Variants in RYR3 observed in about 807,000 individuals in gnomAD.
RYR3 encodes ryanodine receptor 3.
Under a neutral mutation model 584.3 loss-of-function variants are expected in RYR3, and 207 were observed. The observed-to-expected ratio is 0.35, with a 90% CI of 0.32 to 0.40. The LOEUF is 0.40. RYR3 is among the 10% of genes least tolerant of loss of function. The pLI is 1.00. For missense variants in RYR3, 5,616 were observed against 6,089.2 expected, an observed-to-expected ratio of 0.92 and a Z score of 2.59; for synonymous variants, 2,416 against 2,248.5, an observed-to-expected ratio of 1.07 and a Z score of -2.11.
chr15:33,416,866 A>C (rs2043850762), intron 1 of RYR3, among the ~76,000 whole-genome samples: 1 of 152,164 alleles, frequency 6.6e-6, no homozygotes, highest in African/African-American at 2.4e-5. Flanking sequence ...TAATTTTCAT[A>C]TATGGTGAGA....
chr15:33,738,392 A>T, intron 49 of RYR3, 58 bp from the exon 50 acceptor site: 2 of 1,531,836 alleles, frequency 1.3e-6, no homozygotes, highest in Non-Finnish European at 8.8e-7. Context: ...CATGTTTTTG[A>T]TGCCTGTGGA....
intron 20 of RYR3, 81 bp downstream of exon 20, chr15:33,624,104 A>G (rs1208849677): frequency 2.1e-6 from 2 of 972,414 alleles, no homozygotes; most frequent in African/African-American, 3.3e-5. Context: ...TTGTTTTTGA[A>G]CCTTTCTTAA....
At chr15:33,440,736 A>G (rs1439440197) in intron 1 of RYR3, among the ~76,000 whole-genome samples, 4 of 152,188 alleles carry the variant, frequency 2.6e-5, no homozygotes, top group Non-Finnish European at 4.4e-5. Context: ...TTCTATTTCA[A>G]CTTGGTAGAG....
chr15:33,754,262 C>T (rs1209001944), intron 57 of RYR3, among the ~76,000 whole-genome samples: 1 of 152,180 alleles, frequency 6.6e-6, no homozygotes, highest in Non-Finnish European at 1.5e-5. Context: ...TTAAACACAG[C>T]AACCAGTGAT....
intron 85 of RYR3, among the ~76,000 whole-genome samples, chr15:33,829,517 G>A (rs1261001841): frequency 6.6e-6 from 1 of 152,046 alleles, no homozygotes; most frequent in East Asian, 1.9e-4. Flanking sequence ...GGGAGGCCAA[G>A]GCAGGAGGAT....
chr15:33,605,038 C>T (rs1426312379), intron 18 of RYR3, among the ~76,000 whole-genome samples: 2 of 152,204 alleles, frequency 1.3e-5, no homozygotes, highest in Non-Finnish European at 2.9e-5. Flanking sequence ...CCTGAGAGGG[C>T]TCTGCATGAA....
chr15:33,365,234 A>G (rs1043129267), intron 1 of RYR3, among the ~76,000 whole-genome samples: 5 of 152,170 alleles, frequency 3.3e-5, no homozygotes, highest in Admixed American at 1.3e-4. Context: ...ATGTCCTGAG[A>G]TTGGGAGGAT....
chr15:33,666,520 T>C (rs1275815353), intron 36 of RYR3, among the ~76,000 whole-genome samples: 2 of 152,206 alleles, frequency 1.3e-5, no homozygotes, highest in African/African-American at 4.8e-5. Context: ...TCAGAAGATT[T>C]AATGTCATCA....
At chr15:33,453,520 A>G (rs779417806) in intron 1 of RYR3, among the ~76,000 whole-genome samples, 3 of 152,178 alleles carry the variant, frequency 2.0e-5, no homozygotes, top group Non-Finnish European at 4.4e-5. Context: ...ATAAAATAAG[A>G]CCTACAACAG....
chr15:33,508,648 TCAAAA>T lies in RYR3; in HGVS notation c.279+4926_279+4930del, dbSNP rs913253952. On this transcript the variant is annotated intron_variant, in intron 3 of 103. Coordinates refer to ENST00000634891, the MANE Select transcript of RYR3 (RefSeq NM_001036.6). ...CTGGGCGACAGAGCAAGTCTCCATCTCAAAACAAAACAAAACAAAAAACCTTGATT... is the reference window on the plus strand; with the variant it reads ...CTGGGCGACAGAGCAAGTCTCCATCTCAAAACAAAACAAAAAACCTTGATT... Among the ~76,000 whole-genome samples the T allele has an allele frequency of 5.3e-5, 8 of 152,170 alleles. No homozygotes were observed. The East Asian group carries it at 7.7e-4, about 15-fold the overall frequency.
At chr15:33,812,424 C>T (rs942425941) in intron 72 of RYR3, among the ~76,000 whole-genome samples, 3 of 151,582 alleles carry the variant, frequency 2.0e-5, no homozygotes, top group Non-Finnish European at 4.4e-5. Flanking sequence ...AGGAATTAAT[C>T]GAACCCATAA....
intron 86 of RYR3, among the ~76,000 whole-genome samples, chr15:33,831,816 A>G (rs2077694931): frequency 6.6e-6 from 1 of 152,172 alleles, no homozygotes; most frequent in African/African-American, 2.4e-5. Flanking sequence ...GTAATACTTC[A>G]TCTTCAGATT....
chr15:33,539,279 G>A, intron 5 of RYR3, 71 bp from the exon 6 acceptor site: 1 of 925,338 alleles, frequency 1.1e-6, no homozygotes, highest in East Asian at 2.6e-5. Context: ...TAAGAGGAAG[G>A]AGAACAAGGA....
intron 3 of RYR3, among the ~76,000 whole-genome samples, 166 bp from the exon 4 acceptor site, chr15:33,530,426 G>A (rs933377456): frequency 3.3e-5 from 5 of 152,198 alleles, no homozygotes; most frequent in African/African-American, 7.2e-5. Context: ...GTGGTCACAC[G>A]TCTCTTTCTG....
chr15:33,652,582 A>G (rs1322632563), intron 31 of RYR3, 136 bp from the exon 32 acceptor site: 1 of 878,654 alleles, frequency 1.1e-6, no homozygotes, highest in Non-Finnish European at 1.8e-6. Context: ...TTTAAGGAAA[A>G]AAAAGTATTT....
intron 21 of RYR3, among the ~76,000 whole-genome samples, chr15:33,628,873 A>G (rs1762093177): frequency 6.6e-6 from 1 of 152,196 alleles, no homozygotes; most frequent in African/African-American, 2.4e-5. Flanking sequence ...CATTGTTTTG[A>G]ATCAGAACTT....
intron 1 of RYR3, among the ~76,000 whole-genome samples, chr15:33,340,830 A>C (rs780082519): frequency 3.9e-5 from 6 of 152,178 alleles, no homozygotes; most frequent in Non-Finnish European, 7.3e-5. Context: ...AACACTTGGA[A>C]TCTAATCATG....
rs57778697 is a variant in RYR3, at chr15:33,660,438, C to T, written c.4622+15C>T. On this transcript the variant is annotated intron_variant, in intron 34 of 103. Transcript: ENST00000634891. Reference sequence around the variant, plus strand: ...GAGGAGAACAGGTACCAGAGGGGCCCGCGAAGGAAGGGGCAGGCCTGAGGG... The same window carrying T: ...GAGGAGAACAGGTACCAGAGGGGCCTGCGAAGGAAGGGGCAGGCCTGAGGG... 1.2e-5 allele frequency: 19 copies of T among 1,522,592 alleles called. No homozygotes were observed. The highest frequency in any genetic ancestry group is 5.5e-5 in the African/African-American group (4 of 72,584). The allele number at this position is 1,522,592 out of a possible 1,614,324, so 94.3% of individuals were successfully genotyped here. A position where few individuals can be genotyped will look rare whatever the true frequency, so the allele number is the denominator to read the frequency against.
intron 38 of RYR3, among the ~76,000 whole-genome samples, chr15:33,693,255 T>C (rs1016069143): frequency 6.6e-6 from 1 of 152,262 alleles, no homozygotes; most frequent in Non-Finnish European, 1.5e-5. Flanking sequence ...GCTGCATGCC[T>C]GGTGCCCCGG....
Sources: allele counts gnomAD v4.1 joint callset (sites outside exome capture counted in the v4.1 genomes callset), GRCh38; gene constraint gnomAD v4.1.1; transcripts MANE v1.5; gene names NCBI Gene and HGNC (gene_info 2026-07-23, HGNC 2026-07-21).